Variants in RALGPS1 observed in about 807,000 individuals in gnomAD.
RALGPS1 encodes Ral GEF with PH domain and SH3 binding motif 1, also known as ras-specific guanine nucleotide-releasing factor RalGPS1.
Under a neutral mutation model 78.8 loss-of-function variants are expected in RALGPS1, and 19 were observed. The observed-to-expected ratio is 0.24, with a 90% CI of 0.17 to 0.35. RALGPS1 has a LOEUF of 0.35. Ranked by LOEUF, RALGPS1 falls within the 10% of genes least tolerant of loss-of-function variation. The probability of loss-of-function intolerance (pLI) is 1.00; values close to 1 mark genes in which losing one functional copy is unlikely to be tolerated. For synonymous variants in RALGPS1, 228 were observed against 256.3 expected, an observed-to-expected ratio of 0.89 and a Z score of 1.06; for missense variants, 454 against 688.3, an observed-to-expected ratio of 0.66 and a Z score of 3.81.
chr9:127,066,670 G>T (rs761034169), intron 7 of RALGPS1, among the ~76,000 whole-genome samples: 1 of 152,048 alleles, frequency 6.6e-6, no homozygotes, highest in Admixed American at 6.6e-5. Context: ...AAACCACAAT[G>T]GAGCTGTTTT....
At chr9:127,075,592 T>C (rs1318311893) in intron 8 of RALGPS1, among the ~76,000 whole-genome samples, 1 of 152,240 alleles carries the variant, frequency 6.6e-6, no homozygotes, top group Non-Finnish European at 1.5e-5. Context: ...GGAAAAAATA[T>C]CTGAAACCAT....
intron 14 of RALGPS1, among the ~76,000 whole-genome samples, chr9:127,199,898 GCA>G (rs139075098): frequency 2.7e-5 from 4 of 145,834 alleles, no homozygotes; most frequent in Non-Finnish European, 4.7e-5. Flanking sequence ...AGGGCCCTGG[GCA>G]CACACACACA....
intron 4 of RALGPS1, among the ~76,000 whole-genome samples, chr9:127,001,586 C>T (rs1260676952): frequency 1.3e-5 from 2 of 151,866 alleles, no homozygotes; most frequent in Non-Finnish European, 1.5e-5. Context: ...CATTTTTCTT[C>T]TAAATATGCA....
chr9:127,122,349 C>T lies in RALGPS1; in HGVS notation c.611-43720C>T, dbSNP rs1050456749. 3.3e-5 allele frequency: 5 copies of T among 152,546 alleles called. No individual in the cohort carries two copies. Among genetic ancestry groups the T allele is most frequent in the African/African-American group, 1.2e-4 (5 of 41,414 alleles). 9.4% of individuals were successfully genotyped at this position (152,546 alleles called of 1,614,324 possible). On this transcript the variant is annotated intron_variant, in intron 8 of 18. Transcript: ENST00000259351. This position sits in a 1 kb window ranked among gnomAD's most constrained non-coding sequence, Gnocchi z 6.4. Reference sequence around the variant, plus strand: ...CCTGCTTGGCTCCGGGGCGGCTCCTCACATGCTTCACCCTGGCCGTCAGCG... The same window carrying T: ...CCTGCTTGGCTCCGGGGCGGCTCCTTACATGCTTCACCCTGGCCGTCAGCG...
At chr9:127,108,735 C>T (rs2054512218) in intron 8 of RALGPS1, 7 of 1,595,352 alleles carry the variant, frequency 4.4e-6, no homozygotes, top group Non-Finnish European at 6.0e-6. Context: ...GCCTCATGGT[C>T]CTTGCAAAAT....
At chr9:127,196,404 C>T (rs2140566990) in intron 12 of RALGPS1, 70 bp from the exon 13 acceptor site, 2 of 1,531,524 alleles carry the variant, frequency 1.3e-6, no homozygotes, top group Non-Finnish European at 1.8e-6. Context: ...GCTCCGGCCC[C>T]AGGCAGGTGT....
At chr9:126,939,810 A>G (rs1454670572) in intron 1 of RALGPS1, among the ~76,000 whole-genome samples, 1 of 152,222 alleles carries the variant, frequency 6.6e-6, no homozygotes, top group Non-Finnish European at 1.5e-5. Flanking sequence ...TGTCAGAGTG[A>G]CAAGCGTTGC....
intron 11 of RALGPS1, 137 bp from the exon 12 acceptor site, chr9:127,194,954 C>A: frequency 2.0e-6 from 2 of 1,008,200 alleles, no homozygotes; most frequent in East Asian, 2.4e-5. Flanking sequence ...CTCATATGAA[C>A]CTTGCCCCAC....
intron 3 of RALGPS1, among the ~76,000 whole-genome samples, chr9:126,977,391 A>C (rs2040768150): frequency 6.6e-6 from 1 of 152,216 alleles, no homozygotes; most frequent in African/African-American, 2.4e-5. Flanking sequence ...ATAGTATGAA[A>C]ATTTTCAAAT....
At chr9:126,989,841 G>T in intron 4 of RALGPS1, 1 of 1,544,644 alleles carries the variant, frequency 6.5e-7, no homozygotes, top group South Asian at 1.2e-5. Flanking sequence ...TGGAGCTCGA[G>T]ACCTTGAGCT....
chr9:127,142,168 A>C (rs1488431608), intron 8 of RALGPS1, among the ~76,000 whole-genome samples: 1 of 152,236 alleles, frequency 6.6e-6, no homozygotes, highest in African/African-American at 2.4e-5. Context: ...ATGCCTCGTC[A>C]CATCATAGAG....
intron 1 of RALGPS1, among the ~76,000 whole-genome samples, chr9:126,935,699 A>G (rs546440637): frequency 6.6e-6 from 1 of 152,338 alleles, no homozygotes; most frequent in South Asian, 2.1e-4. Context: ...CCTAAGGAGG[A>G]TGCTAGAAAC....
chr9:127,212,577 C>A lies in RALGPS1; in HGVS notation c.1354-50C>A. The A allele has an allele frequency of 1.5e-6, 2 of 1,362,970 alleles. No homozygotes were observed. The highest frequency in any genetic ancestry group is 1.9e-5 in the Admixed American group (1 of 52,390). 84.4% of individuals were successfully genotyped at this position (1,362,970 alleles called of 1,614,324 possible). A position where few individuals can be genotyped will look rare whatever the true frequency, so the allele number is the denominator to read the frequency against. ...GGGTCTGTAATCGGCCAGGGATCCT[C>A]TACCCCCACGACCCCTGGTGGCATC... On this transcript the variant is annotated intron_variant, in intron 15 of 18. Coordinates refer to ENST00000259351, the MANE Select transcript of RALGPS1 (RefSeq NM_014636.3). The surrounding 1 kb of genome is among the most constrained non-coding windows in gnomAD (Gnocchi z 6.0).
intron 1 of RALGPS1, among the ~76,000 whole-genome samples, chr9:126,916,376 C>T (rs2034159767): frequency 6.6e-6 from 1 of 152,200 alleles, no homozygotes. Context: ...CATTTGTTTG[C>T]TGACCTTTAG....
intron 1 of RALGPS1, among the ~76,000 whole-genome samples, chr9:126,920,545 G>T (rs1409357455): frequency 1.3e-5 from 2 of 152,190 alleles, no homozygotes; most frequent in African/African-American, 4.8e-5. Context: ...TGGAGTTGTG[G>T]AGGTGCAGGC....
At position 127,220,071 on chromosome 9, in the gene RALGPS1, AAAT is replaced by A. The variant is rs1290575631; in HGVS notation, c.*1306_*1308del. 2 of 152,644 alleles carry A rather than the reference AAAT, an allele frequency of 1.3e-5. No individual in the cohort carries two copies. The highest frequency in any genetic ancestry group is 2.4e-5 in the African/African-American group (1 of 41,446). 9.5% of individuals were successfully genotyped at this position (152,644 alleles called of 1,614,324 possible). A position where few individuals can be genotyped will look rare whatever the true frequency, so the allele number is the denominator to read the frequency against. ...TTTTAAAGTGACTTTTATTTTGCAC[AAAT>A]AATTTTTATTCAGAATAATAAATCA... is the stretch of plus-strand genomic sequence containing the variant. On this transcript the variant is annotated 3_prime_UTR_variant, in exon 19 of 19. Transcript: ENST00000259351.
At chr9:127,147,720 C>A (rs1055795170) in intron 8 of RALGPS1, among the ~76,000 whole-genome samples, 7 of 152,058 alleles carry the variant, frequency 4.6e-5, no homozygotes, top group Admixed American at 2.6e-4. Flanking sequence ...GTTTTCTATT[C>A]CCTCGATACA....
At chr9:127,143,988 G>A (rs1194030320) in intron 8 of RALGPS1, among the ~76,000 whole-genome samples, 2 of 152,218 alleles carry the variant, frequency 1.3e-5, no homozygotes, top group Non-Finnish European at 1.5e-5. Flanking sequence ...TTAGGCTGTG[G>A]GAGGGGGGCA....
At chr9:127,072,808 A>G (rs924038011) in intron 8 of RALGPS1, among the ~76,000 whole-genome samples, 2 of 152,212 alleles carry the variant, frequency 1.3e-5, no homozygotes, top group Non-Finnish European at 2.9e-5. Context: ...AATTTGTAAC[A>G]GTTGTAGATT....
Sources: gnomAD v4.1 joint callset for allele counts (sites outside exome capture counted in the v4.1 genomes callset) on GRCh38, gnomAD v4.1.1 for gene constraint, Gnocchi (gnomAD v3.1) non-coding constraint, MANE v1.5 for transcripts, NCBI Gene and HGNC (gene_info 2026-07-23, HGNC 2026-07-21) for gene names.